Variants in WDR75 observed in about 807,000 individuals in gnomAD.
WDR75 encodes the protein WD repeat-containing protein 75.
Under a neutral mutation model 106.1 loss-of-function variants are expected in WDR75, and 52 were observed. The ratio of observed to expected loss-of-function variants is 0.49; its 90% CI spans 0.39 to 0.62. The LOEUF is 0.62. Among genes scored for constraint, WDR75 ranks in the 20% least tolerant of loss-of-function variants. WDR75 has a pLI of 0.00. For missense variants in WDR75, 905 were observed against 970.3 expected (o/e 0.93, Z 0.89); for synonymous variants, 333 against 335.5 (o/e 0.99, Z 0.08).
chr2:189,446,011 A>G (rs1280385683), intron 1 of WDR75, among the ~76,000 whole-genome samples: 3 of 152,152 alleles, frequency 2.0e-5, no homozygotes, highest in Non-Finnish European at 2.9e-5. Flanking sequence ...TCAATTAGGG[A>G]AAGTTTTCTT....
rs1252369336 is a variant in WDR75 at position 189,468,588 on chromosome 2, T to A, written c.1723+19T>A. 6.2e-7 allele frequency: 1 copy of A among 1,611,082 alleles called. No homozygotes were observed. Among genetic ancestry groups the A allele is most frequent in the South Asian group, 1.1e-5 (1 of 90,962 alleles). On this transcript the variant is annotated intron_variant, in intron 15 of 20. Transcript: ENST00000314761. Reference sequence around the variant, plus strand: ...TGTGCATGTAAGATATTTTTTACTCTAAAGTGATCTGGCAAAGCGCATAAG... The same window carrying A: ...TGTGCATGTAAGATATTTTTTACTCAAAAGTGATCTGGCAAAGCGCATAAG...
chr2:189,443,225 C>T (rs528081643), intron 1 of WDR75, among the ~76,000 whole-genome samples: 2 of 152,094 alleles, frequency 1.3e-5, no homozygotes, highest in African/African-American at 2.4e-5. Flanking sequence ...CTAAGAAGGA[C>T]GGAGAAGATT....
rs773082538 is a variant in WDR75, at chr2:189,465,226, CTG to C, written c.1264_1265del (p.Trp422AspfsTer3). On this transcript the variant is annotated frameshift_variant, in exon 12 of 21. Coordinates refer to ENST00000314761, the MANE Select transcript of WDR75 (RefSeq NM_032168.3). LOFTEE classifies it high-confidence loss of function. ...AACTGAGCTTGAATTGCAAATGAAA[CTG>C]TGGATGTATAATAAGAAAACACAAG... is the stretch of plus-strand genomic sequence containing the variant. ...KETELELQMK[L>X]WMYNKKTQGF... 4.3e-6 allele frequency: 7 copies of C among 1,612,566 alleles called. No homozygotes were observed. Among genetic ancestry groups the C allele is most frequent in the African/African-American group, 4.0e-5 (3 of 74,842 alleles).
chr2:189,459,273 C>T, intron 7 of WDR75, 63 bp from the exon 8 acceptor site: 1 of 1,179,390 alleles, frequency 8.5e-7, no homozygotes, highest in Admixed American at 2.0e-5. Context: ...TTGTATTTGG[C>T]ATGCCATTGT....
At position 189,467,497 on chromosome 2, in the gene WDR75, GT is replaced by G; in HGVS notation, c.1479del (p.Gly494ValfsTer20). ...AGCTGTTGGCTGGACCTGTGACTTT[GT>G]TGGTAGTTATCACAAGTATCAAGCA... ...KKAVGWTCDF[V>X]GSYHKYQATN... is the part of the protein sequence containing the mutation. On this transcript the variant is annotated frameshift_variant, in exon 14 of 21. Transcript: ENST00000314761. LOFTEE classifies it high-confidence loss of function. 6.2e-7 allele frequency: 1 copy of G among 1,603,682 alleles called. No individual in the cohort carries two copies. Among genetic ancestry groups the G allele is most frequent in the Non-Finnish European group, 8.5e-7 (1 of 1,175,520 alleles).
Position 189,463,622 on chromosome 2 carries a change from C to T in WDR75, c.938-72C>T, listed in dbSNP as rs1010232555. On this transcript the variant is annotated intron_variant, in intron 9 of 20. Coordinates refer to ENST00000314761, the MANE Select transcript of WDR75 (RefSeq NM_032168.3). ...TTGTGTTAGGCTGCATAAAAAGCCA[C>T]CCTGAGCCACAGGTTGGACAAGCTT... is the stretch of plus-strand genomic sequence containing the variant. 3.6e-5 allele frequency: 53 copies of T among 1,483,150 alleles called. No homozygotes were observed. The Middle Eastern group carries it at 5.8e-4, about 16-fold the overall frequency. The allele number at this position is 1,483,150 out of a possible 1,614,324, so 91.9% of individuals were successfully genotyped here.
chr2:189,462,635 T>G lies in WDR75; in HGVS notation c.930T>G (p.Ser310=). ...PAGDLFCTSH[S]DNKIIIIHRN... is the part of the protein sequence containing the mutation. ...GAGATTTATTCTGCACTTCTCACTC[T>G]GATAATAGTAAGTCTAAATTTTTTA... Residue 310 remains serine (S), a synonymous_variant, in exon 9 of 21, where the codon TCT becomes TCG. Transcript: ENST00000314761. The G allele has an allele frequency of 6.2e-7, 1 of 1,613,484 alleles. No homozygotes were observed. The highest frequency in any genetic ancestry group is 8.5e-7 in the Non-Finnish European group (1 of 1,179,722).
At chr2:189,461,824 T>C (rs1218267464) in intron 8 of WDR75, among the ~76,000 whole-genome samples, 3 of 152,210 alleles carry the variant, frequency 2.0e-5, no homozygotes, top group African/African-American at 7.2e-5. Flanking sequence ...AAGTTTTCAA[T>C]AGTTTAACTT....
In WDR75 at chr2:189,448,267, T is replaced by TGA. The variant is rs557875735; in HGVS notation, c.87-110_87-109dup. On this transcript the variant is annotated intron_variant, in intron 1 of 20. Coordinates refer to ENST00000314761, the MANE Select transcript of WDR75 (RefSeq NM_032168.3). ...GGGAGGCCCAGGCAGGCGTATCACT[T>TGA]GAGGCCAGGAGTTCAAGACCACTGA... is the stretch of plus-strand genomic sequence containing the variant. 10 of 1,231,116 alleles carry TGA rather than the reference T, an allele frequency of 8.1e-6. No individual in the cohort carries two copies. The South Asian group carries it at 1.8e-4, about 22-fold the overall frequency. The allele number at this position is 1,231,116 out of a possible 1,614,324, so 76.3% of individuals were successfully genotyped here.
intron 5 of WDR75, among the ~76,000 whole-genome samples, chr2:189,456,634 G>A (rs1221993850): frequency 6.6e-6 from 1 of 152,118 alleles, no homozygotes; most frequent in South Asian, 2.1e-4. Flanking sequence ...AGGAATGACT[G>A]TAAAGAGGGA....
At position 189,469,355 on chromosome 2, in the gene WDR75, G is replaced by A. The variant is rs1375496668; in HGVS notation, c.1735G>A (p.Ala579Thr). Residue 579 changes from alanine (A) to threonine (T), a missense_variant, in exon 16 of 21, where the codon GCA becomes ACA. By Grantham distance (58) the Ala-to-Thr change is moderately conservative. Transcript: ENST00000314761. ...NLLSCALEWN[A>T]KLNVRVMEPD... ...GTTTTTCCCCTCAGTGGAGTGGAAT[G>A]CAAAATTAAATGTTAGAGTTATGGA... The A allele has an allele frequency of 1.9e-6, 3 of 1,613,000 alleles. No individual in the cohort carries two copies. Among genetic ancestry groups the A allele is most frequent in the Non-Finnish European group, 2.5e-6 (3 of 1,179,140 alleles).
In WDR75 at chr2:189,467,714, T is replaced by C. The variant is rs7606694; in HGVS notation, c.1628+66T>C. 3.2e-3 allele frequency: 4,613 copies of C among 1,429,940 alleles called. 132 individuals carry two copies. The African/African-American group carries it at 0.061, about 19-fold the overall frequency. 88.6% of individuals were successfully genotyped at this position (1,429,940 alleles called of 1,614,324 possible). On this transcript the variant is annotated intron_variant, in intron 14 of 20. Transcript: ENST00000314761. ...CTTATTTAAACAAGTCTTAAAACTT[T>C]AGTAGTCATTTATGCCCTCTCCAAA...
chr2:189,454,682 T>C (rs1046254625), intron 4 of WDR75, among the ~76,000 whole-genome samples: 1 of 151,938 alleles, frequency 6.6e-6, no homozygotes, highest in African/African-American at 2.4e-5. Flanking sequence ...CCACCACGCC[T>C]GGCTAATTTT....
At chr2:189,441,969 C>G (rs1686379213) in intron 1 of WDR75, among the ~76,000 whole-genome samples, 1 of 152,092 alleles carries the variant, frequency 6.6e-6, no homozygotes, top group Non-Finnish European at 1.5e-5. Flanking sequence ...CTTTTTCTAC[C>G]CACTCCTCAC....
intron 20 of WDR75, 139 bp downstream of exon 20, chr2:189,474,947 T>G: frequency 5.0e-6 from 4 of 798,612 alleles, no homozygotes; most frequent in Non-Finnish European, 8.0e-6. Context: ...GGCTATAGGA[T>G]TATTAAGTCA....
rs561012001 is a variant in WDR75 at position 189,459,360 on chromosome 2, A to C, written c.714A>C (p.Lys238Asn). The change falls in exon 8 of 21, where the codon AAA becomes AAC. Residue 238 changes from lysine to asparagine, a missense_variant. Coordinates refer to ENST00000314761, the MANE Select transcript of WDR75 (RefSeq NM_032168.3). ...RLWRNFYDDK[K>N]YTYTCLHWHH... is the part of the protein sequence containing the mutation. ...GGAGGAATTTTTATGATGATAAGAA[A>C]TATACGTACACATGTTTACATTGGC... The C allele has an allele frequency of 6.1e-5, 98 of 1,611,392 alleles. 1 individual carries two copies. In the South Asian group the frequency reaches 9.8e-4, roughly 16 times the overall value.
intron 18 of WDR75, among the ~76,000 whole-genome samples, chr2:189,472,068 T>G (rs1299254108): frequency 1.3e-5 from 2 of 152,216 alleles, no homozygotes; most frequent in East Asian, 3.8e-4. Flanking sequence ...AATAATTTTT[T>G]GTTAATTATT....
chr2:189,472,001 T>A (rs1435361964), intron 18 of WDR75, among the ~76,000 whole-genome samples: 2 of 152,222 alleles, frequency 1.3e-5, no homozygotes, highest in Non-Finnish European at 2.9e-5. Context: ...CTTGTTCTTG[T>A]TCCTTTGTCT....
intron 12 of WDR75, 77 bp from the exon 13 acceptor site, chr2:189,466,348 G>A (rs1435048951): frequency 4.0e-6 from 6 of 1,495,048 alleles, no homozygotes; most frequent in Non-Finnish European, 4.6e-6. Context: ...ATTGTAAAAT[G>A]TACAGCATGT....
Sources: allele counts gnomAD v4.1 joint callset (sites outside exome capture counted in the v4.1 genomes callset), GRCh38; gene constraint gnomAD v4.1.1; transcripts MANE v1.5; gene names NCBI Gene and HGNC (gene_info 2026-07-23, HGNC 2026-07-21).